Variants in GADL1 observed in about 807,000 individuals in gnomAD.
GADL1 encodes acidic amino acid decarboxylase GADL1.
Under a neutral mutation model 69.5 loss-of-function variants are expected in GADL1, and 71 were observed. The observed-to-expected ratio is 1.02, with a 90% CI of 0.84 to 1.25. GADL1 has a LOEUF of 1.25. Ranked by LOEUF, GADL1 falls within the 50% of genes most tolerant of loss-of-function variation. The pLI is 0.00. For synonymous variants in GADL1, 254 were observed against 214.4 expected (o/e 1.18, Z -1.62); for missense variants, 737 against 631.8 (o/e 1.17, Z -1.79).
chr3:30,856,433 CTG>C (rs901278637), intron 3 of GADL1, among the ~76,000 whole-genome samples: 32 of 152,038 alleles, frequency 2.1e-4, no homozygotes, highest in African/African-American at 7.0e-4. Context: ...TATGACATCA[CTG>C]TGAAATAATC....
intron 14 of GADL1, among the ~76,000 whole-genome samples, chr3:30,764,416 A>G (rs1559492457): frequency 1.3e-5 from 2 of 152,214 alleles, no homozygotes; most frequent in Non-Finnish European, 2.9e-5. Flanking sequence ...GCGAAACTAC[A>G]AGACTCCAGT....
chr3:30,736,686 A>G (rs1456868646), intron 14 of GADL1, among the ~76,000 whole-genome samples: 5 of 152,192 alleles, frequency 3.3e-5, no homozygotes, highest in South Asian at 4.1e-4. Flanking sequence ...CAGAAATTAA[A>G]TATTGCAACT....
intron 1 of GADL1, among the ~76,000 whole-genome samples, chr3:30,871,042 A>AGTGTGTGTGTGT (rs4016178): frequency 0.067 from 9,404 of 141,328 alleles, 413 homozygotes; most frequent in East Asian, 0.14. Flanking sequence ...AAGGCAGAAA[A>AGTGTGTGTGTGT]GTGTGTGTGT....
intron 12 of GADL1, among the ~76,000 whole-genome samples, chr3:30,796,755 C>T (rs953443408): frequency 6.6e-6 from 1 of 152,286 alleles, no homozygotes; most frequent in Middle Eastern, 3.4e-3. Context: ...GTCATCACTA[C>T]ACTAGTCTTA....
At chr3:30,753,342 CTA>C (rs1225635478) in intron 14 of GADL1, among the ~76,000 whole-genome samples, 1 of 152,050 alleles carries the variant, frequency 6.6e-6, no homozygotes, top group Non-Finnish European at 1.5e-5. Flanking sequence ...ATTTTGAATT[CTA>C]GTTTCAAATA....
At chr3:30,851,800 ATCC>A (rs1488676237) in intron 4 of GADL1, among the ~76,000 whole-genome samples, 1 of 152,106 alleles carries the variant, frequency 6.6e-6, no homozygotes, top group East Asian at 1.9e-4. Flanking sequence ...CCTTTCTTGC[ATCC>A]TCCTCCTCCT....
chr3:30,847,910 G>A (rs555404955), intron 6 of GADL1, among the ~76,000 whole-genome samples: 49 of 152,102 alleles, frequency 3.2e-4, no homozygotes, highest in Non-Finnish European at 4.9e-4. Flanking sequence ...AGGCTTCCAC[G>A]TAATATCTTT....
At chr3:30,768,003 T>C (rs1267267041) in intron 14 of GADL1, among the ~76,000 whole-genome samples, 1 of 149,150 alleles carries the variant, frequency 6.7e-6, no homozygotes, top group Non-Finnish European at 1.5e-5. Context: ...AAACTTGAGA[T>C]AGGATTTTTT....
chr3:30,886,285 G>C (rs1698707936), intron 1 of GADL1, among the ~76,000 whole-genome samples: 2 of 152,102 alleles, frequency 1.3e-5, no homozygotes, highest in South Asian at 4.1e-4. Flanking sequence ...GGAATGTACT[G>C]TAGTCAAGAG....
At chr3:30,803,873 C>T (rs918032883) in intron 11 of GADL1, among the ~76,000 whole-genome samples, 32 of 152,170 alleles carry the variant, frequency 2.1e-4, no homozygotes, top group Non-Finnish European at 3.5e-4. Flanking sequence ...TATAGTAAAA[C>T]GTAACATTGT....
intron 11 of GADL1, among the ~76,000 whole-genome samples, chr3:30,802,357 A>G (rs1697180958): frequency 6.6e-6 from 1 of 152,212 alleles, no homozygotes; most frequent in Non-Finnish European, 1.5e-5. Flanking sequence ...TAAGCTATCA[A>G]GACAATGATT....
Position 30,800,896 on chromosome 3 carries a change from A to G in GADL1, c.1243T>C (p.Leu415=), listed in dbSNP as rs774362600. The change falls in exon 12 of 15, where the codon TTA becomes CTA. Residue 415 remains leucine, a synonymous_variant. Coordinates refer to ENST00000282538, the MANE Select transcript of GADL1 (RefSeq NM_207359.3). The stretch of plus-strand genomic sequence containing the variant: ...AGAGAGAGAGGCTAGTACCTAGATA[A>G]AGCAAGAGCACGATTAACTCTTTCT... ...LEERVNRALA[L]SRYLVDEIKK... 1 of 1,608,010 alleles carries G rather than the reference A, an allele frequency of 6.2e-7. No homozygotes were observed. The highest frequency in any genetic ancestry group is 8.5e-7 in the Non-Finnish European group (1 of 1,178,872).
At chr3:30,838,651 A>C (rs1328899582) in intron 9 of GADL1, among the ~76,000 whole-genome samples, 1 of 152,154 alleles carries the variant, frequency 6.6e-6, no homozygotes, top group Admixed American at 6.6e-5. Context: ...ATCGCAATGA[A>C]GAAGAGGCAG....
chr3:30,751,897 C>G (rs1305954436), intron 14 of GADL1, among the ~76,000 whole-genome samples: 1 of 152,212 alleles, frequency 6.6e-6, no homozygotes, highest in Non-Finnish European at 1.5e-5. Flanking sequence ...CATCCCCAAC[C>G]AATCTTGTTT....
chr3:30,793,647 T>C (rs1392093339), intron 12 of GADL1, among the ~76,000 whole-genome samples: 1 of 152,204 alleles, frequency 6.6e-6, no homozygotes, highest in Non-Finnish European at 1.5e-5. Context: ...GCATTAATGA[T>C]AAACTTGCTG....
At chr3:30,752,367 TAA>T (rs1361863919) in intron 14 of GADL1, among the ~76,000 whole-genome samples, 1 of 145,172 alleles carries the variant, frequency 6.9e-6, no homozygotes, top group East Asian at 1.9e-4. Flanking sequence ...ACAATCTATT[TAA>T]GTGGTGCACC....
chr3:30,854,590 T>C lies in GADL1; in HGVS notation c.428+109A>G, dbSNP rs1006351331. On this transcript the variant is annotated intron_variant, in intron 4 of 14. Coordinates refer to ENST00000282538, the MANE Select transcript of GADL1 (RefSeq NM_207359.3). ...CATAAAACTATTCCATTATTTGCGATGGCACTATGCAAAAGAAACCATTAA... is the reference window on the plus strand; with the variant it reads ...CATAAAACTATTCCATTATTTGCGACGGCACTATGCAAAAGAAACCATTAA... The C allele has an allele frequency of 3.0e-5, 19 of 642,268 alleles. No individual in the cohort carries two copies. The African/African-American group carries it at 3.3e-4, about 11-fold the overall frequency. The allele number at this position is 642,268 out of a possible 1,614,324, so 39.8% of individuals were successfully genotyped here.
chr3:30,808,371 G>C (rs1697293297), intron 11 of GADL1, among the ~76,000 whole-genome samples: 1 of 152,038 alleles, frequency 6.6e-6, no homozygotes, highest in South Asian at 2.1e-4. Flanking sequence ...GTGGTTGCAT[G>C]CCTGTAATCC....
At chr3:30,864,686 C>T (rs1362880123) in intron 1 of GADL1, among the ~76,000 whole-genome samples, 1 of 151,896 alleles carries the variant, frequency 6.6e-6, no homozygotes, top group East Asian at 1.9e-4. Flanking sequence ...GCTGTGGTCT[C>T]CTGAGGAAGG....
Sources: allele counts gnomAD v4.1 joint callset (sites outside exome capture counted in the v4.1 genomes callset), GRCh38; gene constraint gnomAD v4.1.1; transcripts MANE v1.5; gene names NCBI Gene and HGNC (gene_info 2026-07-23, HGNC 2026-07-21).